FILIP1L: variants seen among roughly 807,000 people sequenced by gnomAD.
FILIP1L encodes filamin A-interacting protein 1-like.
In FILIP1L, 55 loss-of-function variants were observed where a neutral mutation model predicts 96.6. That is an observed-to-expected ratio of 0.57 (90% CI 0.46 to 0.71). The LOEUF (loss-of-function observed/expected upper bound fraction) is 0.71. FILIP1L is among the 30% of genes least tolerant of loss of function. The pLI is 0.00. For missense variants in FILIP1L, 1,304 were observed against 1,321.2 expected (o/e 0.99, Z 0.20); for synonymous variants, 467 against 473.9 (o/e 0.99, Z 0.19).
chr3:100,094,601 T>G (rs1232423787), intron 1 of FILIP1L, among the ~76,000 whole-genome samples: 3 of 151,584 alleles, frequency 2.0e-5, no homozygotes, highest in Non-Finnish European at 2.9e-5. Flanking sequence ...TTTAAGGTGG[T>G]AGACTTGAGT....
intron 1 of FILIP1L, among the ~76,000 whole-genome samples, chr3:100,102,364 G>A (rs986686319): frequency 3.9e-5 from 6 of 152,064 alleles, no homozygotes; most frequent in African/African-American, 1.4e-4. Flanking sequence ...CATTTCTCGG[G>A]TGTTAAGAGG....
intron 4 of FILIP1L, among the ~76,000 whole-genome samples, chr3:99,857,951 G>T (rs190767451): frequency 1.3e-5 from 2 of 152,310 alleles, no homozygotes; most frequent in Admixed American, 6.5e-5. Flanking sequence ...ATGAACAGGG[G>T]ATAGAGGATC....
chr3:99,854,544 G>C (rs1343107621), intron 4 of FILIP1L, among the ~76,000 whole-genome samples: 2 of 152,010 alleles, frequency 1.3e-5, no homozygotes, highest in Non-Finnish European at 2.9e-5. Context: ...CTATGCCAGG[G>C]TTTCTCCATC....
At chr3:100,038,885 G>A (rs987836151) in intron 1 of FILIP1L, among the ~76,000 whole-genome samples, 3 of 151,972 alleles carry the variant, frequency 2.0e-5, no homozygotes, top group Non-Finnish European at 2.9e-5. Context: ...TGTCTATATC[G>A]TATGCTACCT....
At chr3:100,062,704 A>G (rs769260859) in intron 1 of FILIP1L, among the ~76,000 whole-genome samples, 13 of 152,208 alleles carry the variant, frequency 8.5e-5, no homozygotes, top group Non-Finnish European at 1.8e-4. Context: ...AAAAGCCCCT[A>G]TATCTTAGGC....
intron 4 of FILIP1L, among the ~76,000 whole-genome samples, chr3:99,893,760 A>G (rs1706165557): frequency 6.6e-6 from 1 of 152,206 alleles, no homozygotes; most frequent in African/African-American, 2.4e-5. Context: ...AAATAGTTTC[A>G]TGCTGATTGA....
At chr3:100,008,018 C>T (rs1399327809) in intron 1 of FILIP1L, among the ~76,000 whole-genome samples, 1 of 152,176 alleles carries the variant, frequency 6.6e-6, no homozygotes, top group African/African-American at 2.4e-5. Context: ...CCAGCACAAC[C>T]TTGCCTGGGA....
intron 1 of FILIP1L, among the ~76,000 whole-genome samples, chr3:100,013,214 G>GTGTTGGTGT (rs1553705415): frequency 1.4e-5 from 2 of 145,414 alleles, no homozygotes; most frequent in African/African-American, 5.1e-5. Flanking sequence ...GGCCAGTGAG[G>GTGTTGGTGT]TGTTGTTGTT....
intron 1 of FILIP1L, chr3:100,025,643 T>C (rs887606959): frequency 6.6e-6 from 1 of 152,196 alleles, no homozygotes; most frequent in African/African-American, 2.4e-5. Flanking sequence ...TTTGGGTTCA[T>C]GTTATTTCTG....
intron 1 of FILIP1L, among the ~76,000 whole-genome samples, chr3:100,005,939 C>T (rs1325975436): frequency 1.3e-5 from 2 of 152,138 alleles, no homozygotes; most frequent in African/African-American, 4.8e-5. Context: ...CCCATTCATT[C>T]CCACCTCCGC....
At chr3:99,978,205 G>T (rs1386843629) in intron 1 of FILIP1L, among the ~76,000 whole-genome samples, 1 of 152,064 alleles carries the variant, frequency 6.6e-6, no homozygotes, top group African/African-American at 2.4e-5. Context: ...CCTCATGGAA[G>T]CAAAAAAATT....
At chr3:100,080,181 G>A (rs1027373891) in intron 1 of FILIP1L, among the ~76,000 whole-genome samples, 3 of 151,866 alleles carry the variant, frequency 2.0e-5, no homozygotes, top group Admixed American at 6.6e-5. Context: ...CGGGGATCTC[G>A]CCATATTGCC....
At chr3:100,070,744 G>T (rs2065747647) in intron 1 of FILIP1L, among the ~76,000 whole-genome samples, 1 of 152,130 alleles carries the variant, frequency 6.6e-6, no homozygotes, top group South Asian at 2.1e-4. Context: ...CAGTTCTCCT[G>T]CCTCAGCCTC....
intron 1 of FILIP1L, among the ~76,000 whole-genome samples, chr3:100,080,375 C>A (rs1216381649): frequency 1.3e-5 from 2 of 151,982 alleles, no homozygotes; most frequent in Non-Finnish European, 2.9e-5. Flanking sequence ...ACAAACTATC[C>A]CTTTACAGAG....
intron 1 of FILIP1L, chr3:100,023,216 A>T (rs976575314): frequency 6.6e-6 from 1 of 152,332 alleles, no homozygotes; most frequent in Admixed American, 6.6e-5. Flanking sequence ...AGTAACCCTT[A>T]CAGAGATAAT....
intron 4 of FILIP1L, among the ~76,000 whole-genome samples, chr3:99,875,211 T>C (rs1046431451): frequency 6.6e-6 from 1 of 152,228 alleles, no homozygotes; most frequent in African/African-American, 2.4e-5. Context: ...TAAAATATTA[T>C]GGAGATTTTT....
intron 1 of FILIP1L, among the ~76,000 whole-genome samples, chr3:99,933,151 C>G (rs1451024617): frequency 6.6e-6 from 1 of 152,092 alleles, no homozygotes; most frequent in African/African-American, 2.4e-5. Flanking sequence ...GCTCAGGGAC[C>G]CACACTCTTA....
At position 99,983,392 on chromosome 3, in the gene FILIP1L, AT is replaced by A. The variant is rs1559713346; in HGVS notation, c.-10-52363del. 9.7e-3 allele frequency among the ~76,000 whole-genome samples: 220 copies of A among 22,654 alleles called. 5 individuals are homozygous for A. Among genetic ancestry groups the A allele is most frequent in the Admixed American group, 0.037 (50 of 1,338 alleles). 14.9% of individuals were successfully genotyped at this position (22,654 alleles called of 152,430 possible). On this transcript the variant is annotated intron_variant, in intron 1 of 5. Transcript: ENST00000477258. ...CTACTTAAAAAATAAATAAATAAAT[AT>A]ATATATATATATATATATATATATA... is the stretch of plus-strand genomic sequence containing the variant.
At chr3:100,072,655 T>C (rs1454523540) in intron 1 of FILIP1L, among the ~76,000 whole-genome samples, 1 of 152,228 alleles carries the variant, frequency 6.6e-6, no homozygotes, top group Non-Finnish European at 1.5e-5. Flanking sequence ...GAAATCTTTA[T>C]TGCCTTCCAG....
Sources: allele counts gnomAD v4.1 joint callset (sites outside exome capture counted in the v4.1 genomes callset), GRCh38; gene constraint gnomAD v4.1.1; transcripts MANE v1.5; gene names NCBI Gene and HGNC (gene_info 2026-07-23, HGNC 2026-07-21).